The following SUSD4 variants were observed in gnomAD, a reference collection of about 807,000 sequenced individuals.
The protein encoded by SUSD4 is sushi domain-containing protein 4.
In SUSD4, 41 loss-of-function variants were observed where a neutral mutation model predicts 50.5. That is an observed-to-expected ratio of 0.81 (90% CI 0.63 to 1.05). The LOEUF (loss-of-function observed/expected upper bound fraction) is 1.05, where lower values mean the gene tolerates loss of function less well. SUSD4 is among the 50% of genes least tolerant of loss of function. The probability of loss-of-function intolerance (pLI) is 0.00; values close to 1 mark genes in which losing one functional copy is unlikely to be tolerated. For missense variants in SUSD4, 580 were observed against 634.7 expected (o/e 0.91, Z 0.93); for synonymous variants, 257 against 257.3 (o/e 1.00, Z 0.01).
At chr1:223,234,886 G>A (rs1660109595) in intron 5 of SUSD4, 1 of 1,507,808 alleles carries the variant, frequency 6.6e-7, no homozygotes. Flanking sequence ...AGATCATGGT[G>A]AAATACAGTA....
chr1:223,274,767 C>T (rs555024298), intron 3 of SUSD4, among the ~76,000 whole-genome samples: 15 of 152,282 alleles, frequency 9.9e-5, no homozygotes, highest in African/African-American at 3.4e-4. Flanking sequence ...GACTGCTACA[C>T]ATTCTTCTAA....
upstream of SUSD4, among the ~76,000 whole-genome samples, chr1:223,364,671 C>G (rs1669220622): frequency 6.6e-6 from 1 of 151,338 alleles, no homozygotes; most frequent in Admixed American, 6.6e-5. This position sits in a 1 kb window ranked among gnomAD's most constrained non-coding sequence, Gnocchi z 4.5. Flanking sequence ...GTGCCCCCAG[C>G]CCGCGGCGCG....
chr1:223,348,069 A>C (rs1230192779), intron 2 of SUSD4, among the ~76,000 whole-genome samples: 1 of 152,120 alleles, frequency 6.6e-6, no homozygotes, highest in African/African-American at 2.4e-5. Context: ...GATCTAAGCA[A>C]CAGGAACATT....
At chr1:223,281,848 T>C (rs1277999273) in intron 3 of SUSD4, among the ~76,000 whole-genome samples, 1 of 152,176 alleles carries the variant, frequency 6.6e-6, no homozygotes, top group Non-Finnish European at 1.5e-5. Context: ...AATAAAATAC[T>C]GGCAAACCAA....
At chr1:223,257,749 T>C (rs374265622) in intron 5 of SUSD4, among the ~76,000 whole-genome samples, 3 of 152,218 alleles carry the variant, frequency 2.0e-5, no homozygotes, top group East Asian at 1.9e-4. Flanking sequence ...TTTCTTATTG[T>C]GGATCACCGG....
At chr1:223,310,841 G>C (rs1046136890) in intron 2 of SUSD4, among the ~76,000 whole-genome samples, 7 of 152,250 alleles carry the variant, frequency 4.6e-5, no homozygotes, top group Non-Finnish European at 1.0e-4. Flanking sequence ...GATTCAAAAT[G>C]AAGCAGTGAG....
chr1:223,221,333 G>A lies in SUSD4; in HGVS notation c.*859C>T, dbSNP rs1365334998. On this transcript the variant is annotated 3_prime_UTR_variant, in exon 9 of 9. Transcript: ENST00000366878. ...CATGATTCTGAGATAAATGTTAAGT[G>A]GAGTCTTTTTAAAATGCTGAAACAA... 2.6e-6 allele frequency: 1 copy of A among 380,902 alleles called. No homozygotes were observed. Among genetic ancestry groups the A allele is most frequent in the African/African-American group, 2.1e-5 (1 of 48,328 alleles). 23.6% of individuals were successfully genotyped at this position (380,902 alleles called of 1,614,324 possible). A position where few individuals can be genotyped will look rare whatever the true frequency, so the allele number is the denominator to read the frequency against.
In SUSD4 at chr1:223,332,898, T is replaced by C. The variant is rs1296102067; in HGVS notation, c.148+30380A>G. Among the ~76,000 whole-genome samples the C allele has an allele frequency of 6.6e-6, 1 of 152,084 alleles. No homozygotes were observed. Among genetic ancestry groups the C allele is most frequent in the Admixed American group, 6.5e-5 (1 of 15,282 alleles). The stretch of plus-strand genomic sequence containing the variant: ...ATGGCCATCTTCCCATCTTCTACCA[T>C]GTTCTTTCTGACGGAAGAAATGGCC... On this transcript the variant is annotated intron_variant, in intron 2 of 8. Transcript: ENST00000366878. This position sits in a 1 kb window ranked among gnomAD's most constrained non-coding sequence, Gnocchi z 4.0.
rs1011331001 is a variant in SUSD4, at chr1:223,223,397, G to A, written c.1296C>T (p.Ser432=). Residue 432 remains serine, a synonymous_variant, in exon 8 of 9, where the codon AGC becomes AGT. Coordinates refer to ENST00000366878, the MANE Select transcript of SUSD4 (RefSeq NM_017982.4). The stretch of plus-strand genomic sequence containing the variant: ...GGAGCAGCTCAGAAGAGCCTGAGAC[G>A]CTGTCACAGGTTTCTGACTCCCCTG... The part of the protein sequence containing the change: ...TGPGESETCD[S]VSGSSELLQS... 3.1e-6 allele frequency: 5 copies of A among 1,613,678 alleles called. No homozygotes were observed. The highest frequency in any genetic ancestry group is 2.2e-5 in the East Asian group (1 of 44,884).
intron 5 of SUSD4, among the ~76,000 whole-genome samples, chr1:223,252,742 T>C (rs1397236966): frequency 6.6e-6 from 1 of 151,890 alleles, no homozygotes; most frequent in African/African-American, 2.4e-5. Context: ...ACTCCAGTCA[T>C]GCTTCCCCTT....
rs572243445 is a variant in SUSD4, at chr1:223,228,960, T to C, written c.916+237A>G. ...GAATAGGGTCCCTAGGCCCCTAGCA[T>C]CCATGGAAGGACCTCCAGCAGACAG... On this transcript the variant is annotated intron_variant, in intron 6 of 8. Transcript: ENST00000366878. Among the ~76,000 whole-genome samples, 8 of 151,780 alleles carry C rather than the reference T, an allele frequency of 5.3e-5. No homozygotes were observed. In the South Asian group the frequency reaches 1.7e-3, roughly 32 times the overall value.
chr1:223,309,429 G>T (rs1199592541), intron 2 of SUSD4, among the ~76,000 whole-genome samples: 1 of 152,294 alleles, frequency 6.6e-6, no homozygotes, highest in South Asian at 2.1e-4. Context: ...AGCTTCTCCA[G>T]GGATAAGAGG....
chr1:223,348,173 C>T (rs1668148322), intron 2 of SUSD4, among the ~76,000 whole-genome samples: 1 of 152,128 alleles, frequency 6.6e-6, no homozygotes, highest in Non-Finnish European at 1.5e-5. Flanking sequence ...GTAGCATAAT[C>T]ACAGTTATCA....
At chr1:223,300,365 C>A (rs1665107117) in intron 2 of SUSD4, among the ~76,000 whole-genome samples, 4 of 152,224 alleles carry the variant, frequency 2.6e-5, no homozygotes, top group Admixed American at 2.6e-4. Flanking sequence ...GTGCCCCTCT[C>A]TTCTCATGCA....
chr1:223,256,895 A>G (rs776589961), intron 5 of SUSD4, among the ~76,000 whole-genome samples: 1 of 152,174 alleles, frequency 6.6e-6, no homozygotes, highest in Non-Finnish European at 1.5e-5. Context: ...CTGTGGACAG[A>G]GTGACCTTGG....
At chr1:223,279,656 A>T (rs1663548011) in intron 3 of SUSD4, among the ~76,000 whole-genome samples, 1 of 152,192 alleles carries the variant, frequency 6.6e-6, no homozygotes, top group Admixed American at 6.5e-5. Flanking sequence ...CAAGTTGGAA[A>T]ACACTCTGCA....
At chr1:223,336,817 A>C (rs1328358393) in intron 2 of SUSD4, among the ~76,000 whole-genome samples, 1 of 152,088 alleles carries the variant, frequency 6.6e-6, no homozygotes, top group East Asian at 1.9e-4. Flanking sequence ...GAGTCCTATC[A>C]CAGCATCTGG....
chr1:223,357,724 C>A lies in SUSD4; in HGVS notation c.148+5554G>T, dbSNP rs114838751. ...ATGTCGGCCAACTTAAAATTTTGTCCCTTTTCCCAACCTTCCATGGTTAAC... is the reference window on the plus strand; with the variant it reads ...ATGTCGGCCAACTTAAAATTTTGTCACTTTTCCCAACCTTCCATGGTTAAC... On this transcript the variant is annotated intron_variant, in intron 2 of 8. Transcript: ENST00000366878. Among the ~76,000 whole-genome samples the A allele has an allele frequency of 1.3e-3, 204 of 152,242 alleles. 1 individual carries two copies. The highest frequency in any genetic ancestry group is 4.7e-3 in the African/African-American group (196 of 41,550).
intron 2 of SUSD4, among the ~76,000 whole-genome samples, chr1:223,350,042 G>A (rs1668269941): frequency 6.6e-6 from 1 of 152,204 alleles, no homozygotes; most frequent in Non-Finnish European, 1.5e-5. Flanking sequence ...AAGGCCATGT[G>A]AGAACACAGC....
Sources: gnomAD v4.1 joint callset for allele counts (sites outside exome capture counted in the v4.1 genomes callset) on GRCh38, gnomAD v4.1.1 for gene constraint, Gnocchi (gnomAD v3.1) non-coding constraint, MANE v1.5 for transcripts, NCBI Gene and HGNC (gene_info 2026-07-23, HGNC 2026-07-21) for gene names.